The following HS3ST1 variants were observed in gnomAD, a reference collection of about 807,000 sequenced individuals.
HS3ST1 encodes the protein heparan sulfate glucosamine 3-O-sulfotransferase 1.
In HS3ST1, 8 loss-of-function variants were observed where a neutral mutation model predicts 20.7. The ratio of observed to expected loss-of-function variants is 0.39; its 90% CI spans 0.23 to 0.70. HS3ST1 has a LOEUF of 0.70. Ranked by LOEUF, HS3ST1 falls within the 30% of genes least tolerant of loss-of-function variation. The pLI is 0.46. For missense variants in HS3ST1, 436 were observed against 423.4 expected (o/e 1.03, Z -0.26); for synonymous variants, 205 against 190.4 (o/e 1.08, Z -0.63).
intron 1 of HS3ST1, among the ~76,000 whole-genome samples, chr4:11,418,172 CTG>C (rs571006904): frequency 1.2e-3 from 188 of 152,338 alleles, no homozygotes; most frequent in Non-Finnish European, 2.0e-3. Context: ...CTTTGGGACA[CTG>C]TGGCACTTTA....
rs994260351 is a variant in HS3ST1 at position 11,393,414 on chromosome 4, T to C, written c.*5668A>G. On this transcript the variant is annotated 3_prime_UTR_variant, in exon 2 of 2. Transcript: ENST00000002596. ...GACTCATTCTCTGCTATATCTCATT[T>C]AATTGGAAGAATTCTAATAACTCCG... The C allele has an allele frequency of 1.3e-5, 2 of 152,244 alleles. No homozygotes were observed. Among genetic ancestry groups the C allele is most frequent in the Non-Finnish European group, 2.9e-5 (2 of 68,042 alleles). 9.4% of individuals were successfully genotyped at this position (152,244 alleles called of 1,614,324 possible). A position where few individuals can be genotyped will look rare whatever the true frequency, so the allele number is the denominator to read the frequency against.
chr4:11,399,016 C>CT lies in HS3ST1; in HGVS notation c.*65dup. 2 of 1,367,348 alleles carry CT rather than the reference C, an allele frequency of 1.5e-6. No homozygotes were observed. The highest frequency in any genetic ancestry group is 1.4e-5 in the South Asian group (1 of 71,994). The allele number at this position is 1,367,348 out of a possible 1,614,324, so 84.7% of individuals were successfully genotyped here. A position where few individuals can be genotyped will look rare whatever the true frequency, so the allele number is the denominator to read the frequency against. ...ATACCTTAAATGCTTTTTTAAAATT[C>CT]TTTTTCCCCTCAGATGTACACCAGA... On this transcript the variant is annotated 3_prime_UTR_variant, in exon 2 of 2. Coordinates refer to ENST00000002596, the MANE Select transcript of HS3ST1 (RefSeq NM_005114.4). This position sits in a 1 kb window ranked among gnomAD's most constrained non-coding sequence, Gnocchi z 5.1.
chr4:11,432,868 C>T (rs569796118), upstream of HS3ST1, among the ~76,000 whole-genome samples: 2 of 152,288 alleles, frequency 1.3e-5, no homozygotes, highest in East Asian at 3.9e-4. Flanking sequence ...CTCATGCCTC[C>T]CCAACCATCC....
At chr4:11,427,968 G>A (rs769948469) in intron 1 of HS3ST1, among the ~76,000 whole-genome samples, 3 of 152,204 alleles carry the variant, frequency 2.0e-5, no homozygotes, top group Non-Finnish European at 4.4e-5. Context: ...ACCCTTCCTG[G>A]GAGCTGGGGT....
In HS3ST1 at chr4:11,396,906, C is replaced by T. The variant is rs1029042047; in HGVS notation, c.*2176G>A. On this transcript the variant is annotated 3_prime_UTR_variant, in exon 2 of 2. Transcript: ENST00000002596. ...ATATTCCATGTGCTGGTCCTGTCTT[C>T]CTCCACTCCTCCCCGCTGCCTCTTG... 6.6e-6 allele frequency: 1 copy of T among 152,344 alleles called. No individual in the cohort carries two copies. The highest frequency in any genetic ancestry group is 2.4e-5 in the African/African-American group (1 of 41,456). 9.4% of individuals were successfully genotyped at this position (152,344 alleles called of 1,614,324 possible).
chr4:11,405,372 A>T (rs974197768), intron 1 of HS3ST1, among the ~76,000 whole-genome samples: 1 of 152,194 alleles, frequency 6.6e-6, no homozygotes. Context: ...GCCACATGCC[A>T]GGCATGGGAA....
At chr4:11,413,692 A>G (rs1433812597) in intron 1 of HS3ST1, among the ~76,000 whole-genome samples, 1 of 152,104 alleles carries the variant, frequency 6.6e-6, no homozygotes, top group Admixed American at 6.6e-5. Flanking sequence ...AAAACAAAAC[A>G]AAAACAGCCA....
At chr4:11,402,338 G>A (rs974938806) in intron 1 of HS3ST1, among the ~76,000 whole-genome samples, 9 of 152,208 alleles carry the variant, frequency 5.9e-5, no homozygotes, top group Admixed American at 2.0e-4. Flanking sequence ...CTTTAGAAAG[G>A]ATAGCCAAGA....
intron 1 of HS3ST1, among the ~76,000 whole-genome samples, chr4:11,414,787 G>T (rs1412947222): frequency 6.6e-6 from 1 of 152,166 alleles, no homozygotes; most frequent in Admixed American, 6.5e-5. Flanking sequence ...GATTCATAGA[G>T]AGAATTTTAA....
intron 1 of HS3ST1, among the ~76,000 whole-genome samples, chr4:11,407,779 C>T (rs2108883309): frequency 6.6e-6 from 1 of 152,286 alleles, no homozygotes; most frequent in South Asian, 2.1e-4. Flanking sequence ...CTTGGAAAGC[C>T]AGTTACAAAT....
chr4:11,427,119 A>T (rs1159423754), intron 1 of HS3ST1, among the ~76,000 whole-genome samples: 1 of 151,008 alleles, frequency 6.6e-6, no homozygotes, highest in African/African-American at 2.4e-5. Context: ...TTTTTTTTTT[A>T]AAGATGGAAT....
At chr4:11,412,315 C>T (rs1718658284) in intron 1 of HS3ST1, among the ~76,000 whole-genome samples, 1 of 151,962 alleles carries the variant, frequency 6.6e-6, no homozygotes, top group African/African-American at 2.4e-5. Context: ...ACGATTGGGT[C>T]GTAAATTCTA....
intron 1 of HS3ST1, among the ~76,000 whole-genome samples, chr4:11,426,708 G>A (rs184950820): frequency 1.3e-5 from 2 of 152,338 alleles, no homozygotes; most frequent in Non-Finnish European, 2.9e-5. Context: ...ACTTAAGAGT[G>A]CTTAGTCATG....
chr4:11,398,995 C>T lies in HS3ST1; in HGVS notation c.*87G>A. 4.2e-6 allele frequency: 5 copies of T among 1,190,688 alleles called. No homozygotes were observed. Among genetic ancestry groups the T allele is most frequent in the Non-Finnish European group, 5.9e-6 (5 of 846,510 alleles). 73.8% of individuals were successfully genotyped at this position (1,190,688 alleles called of 1,614,324 possible). ...TATGGATTTTACAAATAAATTATAC[C>T]TTAAATGCTTTTTTAAAATTCTTTT... On this transcript the variant is annotated 3_prime_UTR_variant, in exon 2 of 2. Coordinates refer to ENST00000002596, the MANE Select transcript of HS3ST1 (RefSeq NM_005114.4).
chr4:11,406,265 G>T (rs1381406453), intron 1 of HS3ST1, among the ~76,000 whole-genome samples: 1 of 152,188 alleles, frequency 6.6e-6, no homozygotes, highest in East Asian at 1.9e-4. Flanking sequence ...GCAATAAAAA[G>T]GTGGTGGGGA....
chr4:11,431,106 T>A (rs1267830436), upstream of HS3ST1, among the ~76,000 whole-genome samples: 1 of 152,152 alleles, frequency 6.6e-6, no homozygotes, highest in South Asian at 2.1e-4. Flanking sequence ...TATTTAGGGA[T>A]CTGTCTTCTC....
intron 1 of HS3ST1, among the ~76,000 whole-genome samples, chr4:11,410,289 G>T (rs746379456): frequency 1.3e-5 from 2 of 152,312 alleles, no homozygotes; most frequent in South Asian, 4.1e-4. Flanking sequence ...AGATCCAGCC[G>T]TGGAAACTCA....
chr4:11,427,920 G>T (rs1362045057), intron 1 of HS3ST1, among the ~76,000 whole-genome samples: 1 of 152,206 alleles, frequency 6.6e-6, no homozygotes, highest in Non-Finnish European at 1.5e-5. Flanking sequence ...CCCCTGGCTG[G>T]TAGAGCGCAC....
In HS3ST1 at chr4:11,395,268, C is replaced by T. The variant is rs1169882430; in HGVS notation, c.*3814G>A. The T allele has an allele frequency of 6.6e-6, 1 of 152,064 alleles. No homozygotes were observed. The highest frequency in any genetic ancestry group is 2.4e-5 in the African/African-American group (1 of 41,392). The allele number at this position is 152,064 out of a possible 1,614,324, so 9.4% of individuals were successfully genotyped here. A position where few individuals can be genotyped will look rare whatever the true frequency, so the allele number is the denominator to read the frequency against. ...TAAGTGACCTGCCCTGACATGCGACCTCTGGGAAGATTCTCTATTTCTTAA... is the reference window on the plus strand; with the variant it reads ...TAAGTGACCTGCCCTGACATGCGACTTCTGGGAAGATTCTCTATTTCTTAA... On this transcript the variant is annotated 3_prime_UTR_variant, in exon 2 of 2. Coordinates refer to ENST00000002596, the MANE Select transcript of HS3ST1 (RefSeq NM_005114.4).
Sources: allele counts gnomAD v4.1 joint callset (sites outside exome capture counted in the v4.1 genomes callset), GRCh38; gene constraint gnomAD v4.1.1; non-coding constraint Gnocchi (gnomAD v3.1); transcripts MANE v1.5; gene names NCBI Gene and HGNC (gene_info 2026-07-23, HGNC 2026-07-21).